RIT2: variants seen among roughly 807,000 people sequenced by gnomAD.
The protein encoded by RIT2 is GTP-binding protein Rit2.
A neutral mutation model predicts 23.7 loss-of-function variants in RIT2; 24 were observed. The observed-to-expected ratio is 1.01, with a 90% CI of 0.73 to 1.43. The LOEUF (loss-of-function observed/expected upper bound fraction) is 1.43, where lower values mean the gene tolerates loss of function less well. Among genes scored for constraint, RIT2 ranks in the 40% most tolerant of loss-of-function variants. RIT2 has a pLI of 0.00. For synonymous variants in RIT2, 107 were observed against 91.1 expected, an observed-to-expected ratio of 1.17 and a Z score of -0.99; for missense variants, 236 against 266.9, an observed-to-expected ratio of 0.88 and a Z score of 0.81.
At chr18:43,004,950 G>C (rs1463342974) in intron 2 of RIT2, among the ~76,000 whole-genome samples, 1 of 151,838 alleles carries the variant, frequency 6.6e-6, no homozygotes, top group East Asian at 1.9e-4. Context: ...CAAAGAAAGA[G>C]GTGAGAGAGG....
intron 4 of RIT2, among the ~76,000 whole-genome samples, chr18:42,755,170 A>G (rs483520): frequency 0.98 from 148,549 of 152,242 alleles, 72,591 homozygotes; most frequent in Middle Eastern, 1. Context: ...AAAAGACAGA[A>G]GAAATTTTAA....
chr18:42,889,950 A>G (rs185909295), intron 4 of RIT2, among the ~76,000 whole-genome samples: 2 of 152,206 alleles, frequency 1.3e-5, no homozygotes, highest in African/African-American at 2.4e-5. Flanking sequence ...GTTCTTCACA[A>G]AGGACATGCA....
chr18:42,773,407 AT>A (rs1913596664), intron 4 of RIT2, among the ~76,000 whole-genome samples: 1 of 152,182 alleles, frequency 6.6e-6, no homozygotes, highest in South Asian at 2.1e-4. Flanking sequence ...AAAACAGTTC[AT>A]TTTCTAGATC....
At chr18:42,828,994 A>G (rs1906382576) in intron 4 of RIT2, among the ~76,000 whole-genome samples, 1 of 152,192 alleles carries the variant, frequency 6.6e-6, no homozygotes, top group South Asian at 2.1e-4. Context: ...CTTTTCTGGC[A>G]GGGCACAGGT....
intron 4 of RIT2, among the ~76,000 whole-genome samples, chr18:42,899,226 C>T (rs747179415): frequency 6.0e-5 from 9 of 151,172 alleles, no homozygotes; most frequent in South Asian, 2.1e-4. Context: ...TGTCACATTT[C>T]AGTGGGCATA....
At chr18:43,020,750 A>G (rs966745515) in intron 2 of RIT2, among the ~76,000 whole-genome samples, 9 of 152,136 alleles carry the variant, frequency 5.9e-5, no homozygotes, top group South Asian at 2.1e-4. Flanking sequence ...TGCCAAGAAC[A>G]TGCATTGGGA....
At chr18:43,019,054 C>A (rs569284341) in intron 2 of RIT2, among the ~76,000 whole-genome samples, 1 of 151,982 alleles carries the variant, frequency 6.6e-6, no homozygotes. Context: ...CAAGATTAAT[C>A]TTGAATAGAA....
rs1911527070 is a variant in RIT2, at chr18:43,018,596, G to A, written c.160+15215C>T. Among the ~76,000 whole-genome samples, 3 of 151,930 alleles carry A rather than the reference G, an allele frequency of 2.0e-5. No individual in the cohort carries two copies. In the South Asian group the frequency reaches 6.2e-4, roughly 31 times the overall value. ...TGGATTTCTAAGCAGAAACCTGACAGTCCAGGAGAGAATGAAAAGACATAT... is the reference window on the plus strand; with the variant it reads ...TGGATTTCTAAGCAGAAACCTGACAATCCAGGAGAGAATGAAAAGACATAT... On this transcript the variant is annotated intron_variant, in intron 2 of 4. Transcript: ENST00000326695.
rs1555652917 is a variant in RIT2, at chr18:43,026,634, A to AAGAAAGAAAGAAAGAG, written c.160+7176_160+7177insCTCTTTCTTTCTTTCT. Among the ~76,000 whole-genome samples, 33 of 100,266 alleles carry AAGAAAGAAAGAAAGAG rather than the reference A, an allele frequency of 3.3e-4. 2 individuals are homozygous for AAGAAAGAAAGAAAGAG. The highest frequency in any genetic ancestry group is 6.0e-4 in the Non-Finnish European group (26 of 43,308). 65.8% of individuals were successfully genotyped at this position (100,266 alleles called of 152,430 possible). The stretch of plus-strand genomic sequence containing the variant: ...AAAGAAAGAAAGAAAGAAAGAAAGA[A>AAGAAAGAAAGAAAGAG]AGAGAGAAAGAAGGAAAGGCTGTAG... On this transcript the variant is annotated intron_variant, in intron 2 of 4. Coordinates refer to ENST00000326695, the MANE Select transcript of RIT2 (RefSeq NM_002930.4).
At chr18:43,019,299 C>T (rs867988722) in intron 2 of RIT2, among the ~76,000 whole-genome samples, 1 of 151,814 alleles carries the variant, frequency 6.6e-6, no homozygotes, top group Non-Finnish European at 1.5e-5. Flanking sequence ...AAAATACTAG[C>T]AAATTAAATC....
intron 4 of RIT2, among the ~76,000 whole-genome samples, chr18:42,913,512 T>C (rs1908825734): frequency 6.6e-6 from 1 of 151,352 alleles, no homozygotes; most frequent in Non-Finnish European, 1.5e-5. Context: ...TGCAAAGAAC[T>C]CTCATAACTT....
Position 42,816,693 on chromosome 18 carries a change from A to G in RIT2, c.427-72973T>C, listed in dbSNP as rs185753355. ...CAAGGCCCTATGACTACTGTATCTA[A>G]GCTAACAAGGAATGATACTACATCT... On this transcript the variant is annotated intron_variant, in intron 4 of 4. Transcript: ENST00000326695. Among the ~76,000 whole-genome samples, 39 of 152,302 alleles carry G rather than the reference A, an allele frequency of 2.6e-4. No individual in the cohort carries two copies. The East Asian group carries it at 5.8e-3, about 23-fold the overall frequency.
At chr18:42,887,581 T>A (rs912407633) in intron 4 of RIT2, among the ~76,000 whole-genome samples, 2 of 152,174 alleles carry the variant, frequency 1.3e-5, no homozygotes, top group African/African-American at 4.8e-5. Context: ...AATGGTACAG[T>A]CACTTTGGAA....
At position 42,933,418 on chromosome 18, in the gene RIT2, G is replaced by T. The variant is rs530583469; in HGVS notation, c.235-9655C>A. On this transcript the variant is annotated intron_variant, in intron 3 of 4. Coordinates refer to ENST00000326695, the MANE Select transcript of RIT2 (RefSeq NM_002930.4). The stretch of plus-strand genomic sequence containing the variant: ...ATTTGTAACCTTGTGAAATGGTTTG[G>T]CTGTGTCCTGGACAAAATCTCATCT... 2.0e-5 allele frequency among the ~76,000 whole-genome samples: 3 copies of T among 152,076 alleles called. No homozygotes were observed. In the South Asian group the frequency reaches 6.3e-4, roughly 32 times the overall value.
At chr18:43,063,568 T>C (rs1039698802) in intron 1 of RIT2, among the ~76,000 whole-genome samples, 14 of 152,286 alleles carry the variant, frequency 9.2e-5, no homozygotes, top group South Asian at 4.1e-4. Context: ...GATTCTTCTT[T>C]AGTAATATGT....
intron 3 of RIT2, among the ~76,000 whole-genome samples, chr18:42,971,953 G>T (rs887294082): frequency 1.3e-5 from 2 of 151,944 alleles, no homozygotes; most frequent in East Asian, 1.9e-4. Flanking sequence ...CCACACTGGG[G>T]ACCAGGTAAG....
At chr18:42,815,814 A>G (rs1439336443) in intron 4 of RIT2, among the ~76,000 whole-genome samples, 1 of 152,192 alleles carries the variant, frequency 6.6e-6, no homozygotes, top group Non-Finnish European at 1.5e-5. Context: ...TCAAAATCCA[A>G]TTATGTAGCA....
intron 3 of RIT2, among the ~76,000 whole-genome samples, chr18:42,945,407 A>G (rs995686347): frequency 1.3e-5 from 2 of 151,694 alleles, no homozygotes; most frequent in Non-Finnish European, 2.9e-5. Flanking sequence ...TCAGTTTAAT[A>G]TTCATTTAGG....
At chr18:42,984,209 G>A (rs564806714) in intron 2 of RIT2, among the ~76,000 whole-genome samples, 5 of 152,058 alleles carry the variant, frequency 3.3e-5, no homozygotes, top group African/African-American at 7.2e-5. Flanking sequence ...ACCATATCAC[G>A]GAATACTGTT....
Sources: gnomAD v4.1 joint callset for allele counts (sites outside exome capture counted in the v4.1 genomes callset) on GRCh38, gnomAD v4.1.1 for gene constraint, MANE v1.5 for transcripts, NCBI Gene and HGNC (gene_info 2026-07-23, HGNC 2026-07-21) for gene names.